The following RYR3 variants were observed in gnomAD, a reference collection of about 807,000 sequenced individuals.
The protein encoded by RYR3 is ryanodine receptor 3.
A neutral mutation model predicts 584.3 loss-of-function variants in RYR3; 207 were observed. The ratio of observed to expected loss-of-function variants is 0.35; its 90% CI spans 0.32 to 0.40. The LOEUF is 0.40. Ranked by LOEUF, RYR3 falls within the 10% of genes least tolerant of loss-of-function variation. RYR3 has a pLI of 1.00. For missense variants in RYR3, 5,616 were observed against 6,089.2 expected (o/e 0.92, Z 2.59); for synonymous variants, 2,416 against 2,248.5 (o/e 1.07, Z -2.11).
At chr15:33,448,768 C>T (rs2046875919) in intron 1 of RYR3, among the ~76,000 whole-genome samples, 1 of 152,080 alleles carries the variant, frequency 6.6e-6, no homozygotes, top group Admixed American at 6.5e-5. Context: ...ATTCTGGCCT[C>T]ATTAGGTGAG....
intron 98 of RYR3, among the ~76,000 whole-genome samples, chr15:33,857,183 A>G (rs1567340674): frequency 3.3e-5 from 5 of 152,098 alleles, no homozygotes; most frequent in African/African-American, 1.2e-4. Flanking sequence ...CTATTTTGTT[A>G]AACAACAGAA....
chr15:33,508,803 G>C (rs951411503), intron 3 of RYR3, among the ~76,000 whole-genome samples: 10 of 152,194 alleles, frequency 6.6e-5, no homozygotes, highest in Admixed American at 2.6e-4. Flanking sequence ...TCTGAAAGGA[G>C]CTTTTGGCTC....
intron 90 of RYR3, 141 bp from the exon 91 acceptor site, chr15:33,841,723 T>C (rs975926709): frequency 2.6e-6 from 2 of 762,960 alleles, no homozygotes; most frequent in Middle Eastern, 3.9e-4. Context: ...TGTGGATTGA[T>C]AAAGACCTGA....
intron 42 of RYR3, among the ~76,000 whole-genome samples, chr15:33,706,647 C>T (rs200819327): frequency 2.6e-5 from 4 of 152,166 alleles, no homozygotes; most frequent in East Asian, 3.9e-4. Flanking sequence ...TCAGTGGCCA[C>T]GTGGGTTGCT....
intron 3 of RYR3, among the ~76,000 whole-genome samples, chr15:33,514,691 C>T (rs945317204): frequency 1.3e-5 from 2 of 151,660 alleles, no homozygotes; most frequent in African/African-American, 4.8e-5. Flanking sequence ...TTCAGAATCA[C>T]TGCTAGGGTA....
At chr15:33,542,208 A>T (rs577955681) in intron 7 of RYR3, among the ~76,000 whole-genome samples, 181 of 152,208 alleles carry the variant, frequency 1.2e-3, no homozygotes, top group Non-Finnish European at 1.7e-3. Context: ...CTTCATCATG[A>T]TGCTGCTTTC....
intron 1 of RYR3, among the ~76,000 whole-genome samples, chr15:33,343,876 T>C (rs1195399692): frequency 6.6e-6 from 1 of 152,170 alleles, no homozygotes; most frequent in African/African-American, 2.4e-5. Flanking sequence ...GGCATTTGCA[T>C]TTTTCCTATA....
rs1439390937 is a variant in RYR3, at chr15:33,696,223, T to C, written c.5866T>C (p.Leu1956=). 1 of 1,612,808 alleles carries C rather than the reference T, an allele frequency of 6.2e-7. No homozygotes were observed. The highest frequency in any genetic ancestry group is 8.5e-7 in the Non-Finnish European group (1 of 1,179,276). ...TEEEERCPTT[L]KELISQTMIC... is the part of the protein sequence containing the mutation. ...CCCTCCTGTTGTCCTTCCAGCAACA[T>C]TGAAGGAACTCATCTCACAGACGAT... Residue 1956 remains leucine (L), a synonymous_variant, in exon 39 of 104, where the codon TTG becomes CTG. Transcript: ENST00000634891.
rs554309700 is a variant in RYR3, at chr15:33,811,029, C to G, written c.10249C>G (p.Gln3417Glu). The change falls in exon 72 of 104, where the codon CAG (glutamine) becomes GAG (glutamate). Residue 3417 changes from glutamine to glutamate, a missense_variant. Physicochemically the swap from Gln to Glu is conservative, Grantham distance 29 (BLOSUM62 2). Coordinates refer to ENST00000634891, the MANE Select transcript of RYR3 (RefSeq NM_001036.6). ...ACATCTGCGGAACAACTTGCACTTG[C>G]AGGAAAAGGTGATGACTCAGGACAG... Reference protein sequence around the residue: ...REHLRNNLHLQEKSDDPAVKW... With the variant: ...REHLRNNLHLEEKSDDPAVKW... 63 of 1,608,090 alleles carry G rather than the reference C, an allele frequency of 3.9e-5. No individual in the cohort carries two copies. The South Asian group carries it at 7.0e-4, about 18-fold the overall frequency.
chr15:33,336,483 A>G, intron 1 of RYR3, among the ~76,000 whole-genome samples: 1 of 43,896 alleles, frequency 2.3e-5, no homozygotes, highest in South Asian at 7.9e-4. Flanking sequence ...AGAGAGAGAG[A>G]GAGAAAGAAA....
chr15:33,836,586 A>G (rs2078068985), intron 87 of RYR3, among the ~76,000 whole-genome samples: 1 of 152,078 alleles, frequency 6.6e-6, no homozygotes, highest in Admixed American at 6.5e-5. Flanking sequence ...ATGACAACGT[A>G]AACTACTAGA....
chr15:33,736,682 C>G (rs2069494386), intron 49 of RYR3, among the ~76,000 whole-genome samples: 1 of 152,044 alleles, frequency 6.6e-6, no homozygotes, highest in Non-Finnish European at 1.5e-5. Context: ...ATTAAAATGT[C>G]CCTTTTCTAT....
chr15:33,561,387 T>C (rs1294678779), intron 10 of RYR3, among the ~76,000 whole-genome samples: 1 of 152,098 alleles, frequency 6.6e-6, no homozygotes, highest in African/African-American at 2.4e-5. Flanking sequence ...TAGTTTAGAG[T>C]AGGAGAAGAG....
Position 33,498,287 on chromosome 15 carries a change from A to G in RYR3, c.172-5344A>G, listed in dbSNP as rs575893402. ...TACTGTTTTGCATAATAGCTATACT[A>G]ATTTACATTCCCACCAACAGTGTAT... On this transcript the variant is annotated intron_variant, in intron 2 of 103. Coordinates refer to ENST00000634891, the MANE Select transcript of RYR3 (RefSeq NM_001036.6). Among the ~76,000 whole-genome samples, 144 of 152,176 alleles carry G rather than the reference A, an allele frequency of 9.5e-4. 3 individuals carry two copies. Among genetic ancestry groups the G allele is most frequent in the Non-Finnish European group, 2.6e-4 (18 of 68,032 alleles).
chr15:33,319,142 G>A (rs1056011331), intron 1 of RYR3, among the ~76,000 whole-genome samples: 14 of 152,242 alleles, frequency 9.2e-5, no homozygotes, highest in Non-Finnish European at 4.4e-5. Flanking sequence ...GAGAGAGCTA[G>A]TCAGCGGGAC....
chr15:33,799,341 C>T (rs1051150293), intron 67 of RYR3, among the ~76,000 whole-genome samples: 5 of 152,142 alleles, frequency 3.3e-5, no homozygotes, highest in African/African-American at 1.2e-4. Flanking sequence ...CCACCATTTA[C>T]CCTCCCCTAA....
chr15:33,781,866 G>A (rs1460525895), intron 65 of RYR3, among the ~76,000 whole-genome samples: 3 of 151,722 alleles, frequency 2.0e-5, no homozygotes, highest in Admixed American at 2.0e-4. Context: ...AAAAGGGGGG[G>A]GGGATTTCCA....
chr15:33,361,222 A>G (rs115479745), intron 1 of RYR3, among the ~76,000 whole-genome samples: 3 of 152,300 alleles, frequency 2.0e-5, no homozygotes, highest in African/African-American at 7.2e-5. Context: ...TCTTTGGTAA[A>G]GACACCCCTT....
At chr15:33,636,184 G>T (rs2061487825) in intron 26 of RYR3, among the ~76,000 whole-genome samples, 192 bp from the exon 27 acceptor site, 1 of 152,162 alleles carries the variant, frequency 6.6e-6, no homozygotes, top group African/African-American at 2.4e-5. Flanking sequence ...GAAATCAAGA[G>T]ACTTGGGCTA....
Sources: gnomAD v4.1 joint callset for allele counts (sites outside exome capture counted in the v4.1 genomes callset) on GRCh38, gnomAD v4.1.1 for gene constraint, MANE v1.5 for transcripts, NCBI Gene and HGNC (gene_info 2026-07-23, HGNC 2026-07-21) for gene names.